RABGAP1L: variants seen among roughly 807,000 people sequenced by gnomAD.
The protein encoded by RABGAP1L is RAB GTPase activating protein 1 like, also known as rab GTPase-activating protein 1-like.
Under a neutral mutation model 137.7 loss-of-function variants are expected in RABGAP1L, and 63 were observed. That is an observed-to-expected ratio of 0.46 (90% CI 0.37 to 0.56). The LOEUF is 0.56. Among genes scored for constraint, RABGAP1L ranks in the 20% least tolerant of loss-of-function variants. The probability of loss-of-function intolerance (pLI) is 0.00; values close to 1 mark genes in which losing one functional copy is unlikely to be tolerated. For missense variants in RABGAP1L, 1,095 were observed against 1,244.0 expected, an observed-to-expected ratio of 0.88 and a Z score of 1.80; for synonymous variants, 431 against 433.7, an observed-to-expected ratio of 0.99 and a Z score of 0.08.
chr1:174,800,495 C>T, intron 18 of RABGAP1L: 1 of 1,550,484 alleles, frequency 6.4e-7, no homozygotes, highest in Non-Finnish European at 8.7e-7. Flanking sequence ...GCCTCGGCTT[C>T]TGGCGGTGAG....
intron 13 of RABGAP1L, among the ~76,000 whole-genome samples, chr1:174,629,790 C>T (rs1179445852): frequency 6.6e-6 from 1 of 152,214 alleles, no homozygotes; most frequent in East Asian, 1.9e-4. Flanking sequence ...TCCCAAAGTG[C>T]TGGGATTACA....
chr1:174,494,236 C>T (rs1660544200), intron 13 of RABGAP1L, among the ~76,000 whole-genome samples: 1 of 152,070 alleles, frequency 6.6e-6, no homozygotes, highest in Non-Finnish European at 1.5e-5. Context: ...AGCCATGCTG[C>T]TTTTGTGTTG....
Position 174,971,435 on chromosome 1 carries a change from G to A in RABGAP1L, c.2544+2048G>A, listed in dbSNP as rs1670123275. 2.0e-5 allele frequency among the ~76,000 whole-genome samples: 3 copies of A among 152,236 alleles called. 1 individual carries two copies. In the South Asian group the frequency reaches 6.2e-4, roughly 32 times the overall value. On this transcript the variant is annotated intron_variant, in intron 21 of 25. Coordinates refer to ENST00000681986, the MANE Select transcript of RABGAP1L (RefSeq NM_001366446.1). Reference sequence around the variant, plus strand: ...TACCAGGGTAGCTCATGATGTGAGTGCTAGAACAGCCCCTGAAGAAAAGGT... The same window carrying A: ...TACCAGGGTAGCTCATGATGTGAGTACTAGAACAGCCCCTGAAGAAAAGGT...
chr1:174,620,784 C>G (rs1157971537), intron 13 of RABGAP1L, among the ~76,000 whole-genome samples: 1 of 151,396 alleles, frequency 6.6e-6, no homozygotes, highest in South Asian at 2.1e-4. Flanking sequence ...TAACTAAGAT[C>G]AGAGCAGAAA....
chr1:174,507,339 G>C (rs888731980), intron 13 of RABGAP1L, among the ~76,000 whole-genome samples: 4 of 152,022 alleles, frequency 2.6e-5, no homozygotes, highest in Non-Finnish European at 2.9e-5. Context: ...TGTTGGTGTA[G>C]GGTTGCCATG....
intron 17 of RABGAP1L, among the ~76,000 whole-genome samples, chr1:174,737,939 A>G (rs1282264784): frequency 6.6e-6 from 1 of 152,164 alleles, no homozygotes; most frequent in African/African-American, 2.4e-5. Context: ...CTCATCACCA[A>G]GGGGAAGGTG....
rs1178344131 is a variant in RABGAP1L, at chr1:174,219,259, T to C, written c.102T>C (p.Asp34=). ...EFVLVPQYAD[D]NSTKHEEKPQ... ...TTTTGGTTCCTCAGTATGCAGATGA[T>C]AATTCTACAAAACATGAAGAAAAAC... Residue 34 remains aspartate (D), a synonymous_variant, in exon 2 of 26, where the codon GAT becomes GAC. Coordinates refer to ENST00000681986, the MANE Select transcript of RABGAP1L (RefSeq NM_001366446.1). 6.3e-7 allele frequency: 1 copy of C among 1,590,484 alleles called. No individual in the cohort carries two copies. Among genetic ancestry groups the C allele is most frequent in the African/African-American group, 1.3e-5 (1 of 74,188 alleles).
intron 13 of RABGAP1L, among the ~76,000 whole-genome samples, chr1:174,423,710 G>T (rs73038685): frequency 6.6e-6 from 1 of 151,900 alleles, no homozygotes; most frequent in Admixed American, 6.6e-5. Flanking sequence ...TTCCTAGTTC[G>T]CTTTCTCCCT....
chr1:174,866,814 G>A (rs1191710318), intron 19 of RABGAP1L, among the ~76,000 whole-genome samples: 1 of 152,076 alleles, frequency 6.6e-6, no homozygotes, highest in Admixed American at 6.5e-5. Flanking sequence ...TTGGGAGACT[G>A]AGAGAGGAGG....
chr1:174,508,231 A>T (rs1422476035), intron 13 of RABGAP1L, among the ~76,000 whole-genome samples: 1 of 152,060 alleles, frequency 6.6e-6, no homozygotes, highest in Non-Finnish European at 1.5e-5. Context: ...AAGCCCTGAG[A>T]CCTGTTATCG....
intron 13 of RABGAP1L, among the ~76,000 whole-genome samples, chr1:174,404,552 G>C (rs1014218667): frequency 6.6e-6 from 1 of 152,072 alleles, no homozygotes; most frequent in African/African-American, 2.4e-5. Flanking sequence ...CAAAATGATA[G>C]CACAAAAGAA....
At chr1:174,809,826 C>G (rs1689694926) in intron 18 of RABGAP1L, among the ~76,000 whole-genome samples, 1 of 152,180 alleles carries the variant, frequency 6.6e-6, no homozygotes, top group Non-Finnish European at 1.5e-5. Flanking sequence ...ATGCTTTCCC[C>G]CATAATTCAG....
intron 14 of RABGAP1L, among the ~76,000 whole-genome samples, chr1:174,662,102 C>CTTTTTTTTTTT (rs749496325): frequency 1.4e-4 from 13 of 90,268 alleles, no homozygotes; most frequent in East Asian, 7.8e-4. Flanking sequence ...CTTTTCTTTT[C>CTTTTTTTTTTT]TTTTTTTTTT....
chr1:174,420,339 G>A (rs1420496434), intron 13 of RABGAP1L, among the ~76,000 whole-genome samples: 1 of 151,798 alleles, frequency 6.6e-6, no homozygotes, highest in African/African-American at 2.4e-5. Context: ...CATTAACTCA[G>A]CCTCTTTATT....
intron 13 of RABGAP1L, among the ~76,000 whole-genome samples, chr1:174,601,277 C>G (rs1264850209): frequency 6.6e-6 from 1 of 152,236 alleles, no homozygotes; most frequent in East Asian, 1.9e-4. Context: ...GGAGGGGCTG[C>G]TGCGAAGGTC....
At chr1:174,459,600 T>A (rs943637875) in intron 13 of RABGAP1L, among the ~76,000 whole-genome samples, 1 of 152,102 alleles carries the variant, frequency 6.6e-6, no homozygotes, top group African/African-American at 2.4e-5. Flanking sequence ...AGTTGTATTG[T>A]TTAGGGAATA....
intron 13 of RABGAP1L, among the ~76,000 whole-genome samples, chr1:174,425,398 G>T (rs951151782): frequency 3.3e-5 from 5 of 151,978 alleles, no homozygotes; most frequent in Non-Finnish European, 7.4e-5. Flanking sequence ...TTAGGACTGG[G>T]AGAAGCTGTG....
chr1:174,547,919 C>T, intron 13 of RABGAP1L: 1 of 1,549,498 alleles, frequency 6.5e-7, no homozygotes, highest in African/African-American at 1.4e-5. Flanking sequence ...TCCATGACAC[C>T]CTGTAACCAG....
chr1:174,334,408 G>A (rs546348008), intron 11 of RABGAP1L, among the ~76,000 whole-genome samples: 13 of 152,306 alleles, frequency 8.5e-5, no homozygotes, highest in African/African-American at 2.6e-4. Context: ...CTTTTGAAAT[G>A]TGTCAGATGA....
Sources: gnomAD v4.1 joint callset for allele counts (sites outside exome capture counted in the v4.1 genomes callset) on GRCh38, gnomAD v4.1.1 for gene constraint, MANE v1.5 for transcripts, NCBI Gene and HGNC (gene_info 2026-07-23, HGNC 2026-07-21) for gene names.